Variants in CD69 observed in about 807,000 individuals in gnomAD.
The protein encoded by CD69 is CD69 molecule.
CD69 carries 10 observed loss-of-function variants against 21.4 expected under a neutral mutation model. The observed-to-expected ratio is 0.47, with a 90% CI of 0.29 to 0.79. The LOEUF is 0.79. Among genes scored for constraint, CD69 ranks in the 30% least tolerant of loss-of-function variants. The pLI is 0.09. For missense variants in CD69, 204 were observed against 236.9 expected, an observed-to-expected ratio of 0.86 and a Z score of 0.91; for synonymous variants, 63 against 78.2, an observed-to-expected ratio of 0.81 and a Z score of 1.03.
At chr12:9,758,579 C>G (rs893911939) in intron 1 of CD69, among the ~76,000 whole-genome samples, 1 of 152,142 alleles carries the variant, frequency 6.6e-6, no homozygotes. Context: ...CATCACAGAT[C>G]GGCACTCAGA....
At chr12:9,757,984 G>A (rs999918123) in intron 1 of CD69, among the ~76,000 whole-genome samples, 3 of 151,752 alleles carry the variant, frequency 2.0e-5, no homozygotes, top group African/African-American at 7.3e-5. Context: ...TAGAGGAAAT[G>A]TAACAGTATT....
At chr12:9,757,860 G>T (rs1866694347) in intron 1 of CD69, among the ~76,000 whole-genome samples, 3 of 152,154 alleles carry the variant, frequency 2.0e-5, no homozygotes, top group Non-Finnish European at 4.4e-5. Context: ...GTCATAAGTC[G>T]TTAAACTGTA....
At chr12:9,759,520 C>T (rs182866680) in intron 1 of CD69, among the ~76,000 whole-genome samples, 15 of 142,958 alleles carry the variant, frequency 1.0e-4, no homozygotes, top group African/African-American at 3.1e-4. Flanking sequence ...TTCTTTTTGG[C>T]GGCACACCTG....
chr12:9,758,952 C>G (rs1013754901), intron 1 of CD69, among the ~76,000 whole-genome samples: 1 of 151,904 alleles, frequency 6.6e-6, no homozygotes, highest in African/African-American at 2.4e-5. Context: ...TTTTTTGAGA[C>G]GGAGTCTCGC....
At chr12:9,757,044 C>T (rs1189536301) in intron 1 of CD69, among the ~76,000 whole-genome samples, 3 of 152,112 alleles carry the variant, frequency 2.0e-5, no homozygotes, top group Non-Finnish European at 4.4e-5. Flanking sequence ...TGCACCACTG[C>T]ACTCTAACCT....
chr12:9,757,832 T>C lies in CD69; in HGVS notation c.65-1413A>G, dbSNP rs193198350. ...GATGGAAAGATTCAAATGTTGCTGGTCTTGTGGTTATACCACTGTCATAAG... is the reference window on the plus strand; with the variant it reads ...GATGGAAAGATTCAAATGTTGCTGGCCTTGTGGTTATACCACTGTCATAAG... On this transcript the variant is annotated intron_variant, in intron 1 of 4. Transcript: ENST00000228434. Among the ~76,000 whole-genome samples, 11 of 152,346 alleles carry C rather than the reference T, an allele frequency of 7.2e-5. No homozygotes were observed. In the East Asian group the frequency reaches 1.7e-3, roughly 24 times the overall value.
At chr12:9,754,996 G>T in intron 3 of CD69, 66 bp downstream of exon 3, 1 of 1,305,238 alleles carries the variant, frequency 7.7e-7, no homozygotes, top group East Asian at 2.3e-5. Context: ...ACTTAGAAAC[G>T]GAAGGAAAGC....
At chr12:9,759,886 T>A (rs1331344598) in intron 1 of CD69, among the ~76,000 whole-genome samples, 2 of 151,738 alleles carry the variant, frequency 1.3e-5, no homozygotes, top group Non-Finnish European at 2.9e-5. Context: ...ATAGGCAAAA[T>A]CCCAGTAACA....
At chr12:9,760,669 G>T (rs1866725914) in intron 1 of CD69, 88 bp downstream of exon 1, 1 of 905,294 alleles carries the variant, frequency 1.1e-6, no homozygotes, top group South Asian at 1.4e-5. Flanking sequence ...ATCATATATA[G>T]AGAGATTACC....
chr12:9,759,484 G>GTTATTATTATTATTA (rs57945372), intron 1 of CD69, among the ~76,000 whole-genome samples: 26 of 148,290 alleles, frequency 1.8e-4, no homozygotes, highest in African/African-American at 6.2e-4. Context: ...TTATTGAGTA[G>GTTATTATTATTATTA]TTATTATTAT....
chr12:9,753,464 G>A lies in CD69; in HGVS notation c.*17C>T. On this transcript the variant is annotated 3_prime_UTR_variant, in exon 5 of 5. Coordinates refer to ENST00000228434, the MANE Select transcript of CD69 (RefSeq NM_001781.2). ...AGTTCCATTCTATAATAGTCAATAAGTGAACATGTTTCCTTATTATTTGTA... is the reference window on the plus strand; with the variant it reads ...AGTTCCATTCTATAATAGTCAATAAATGAACATGTTTCCTTATTATTTGTA... 9.5e-7 allele frequency: 1 copy of A among 1,055,116 alleles called. No individual in the cohort carries two copies. Among genetic ancestry groups the A allele is most frequent in the Admixed American group, 1.8e-5 (1 of 55,882 alleles). 65.4% of individuals were successfully genotyped at this position (1,055,116 alleles called of 1,614,324 possible). A position where few individuals can be genotyped will look rare whatever the true frequency, so the allele number is the denominator to read the frequency against.
chr12:9,758,978 G>A (rs1437117434), intron 1 of CD69, among the ~76,000 whole-genome samples: 1 of 149,188 alleles, frequency 6.7e-6, no homozygotes, highest in East Asian at 1.9e-4. Context: ...CGTCCAGGCT[G>A]GAGTGCAGTT....
intron 4 of CD69, 194 bp downstream of exon 4, chr12:9,754,393 T>A: frequency 2.3e-6 from 1 of 436,756 alleles, no homozygotes; most frequent in Non-Finnish European, 4.1e-6. Context: ...TTATGTATTA[T>A]AAGTGTGGAT....
At position 9,755,196 on chromosome 12, in the gene CD69, A is replaced by G. The variant is rs780572690; in HGVS notation, c.253T>C (p.Cys85Arg). ...TGGTAGCCAACCCAGTCCTCAGAGCATGAAGAAACATGGCTGTCTGATGGC... is the reference window on the plus strand; with the variant it reads ...TGGTAGCCAACCCAGTCCTCAGAGCGTGAAGAAACATGGCTGTCTGATGGC... ...SMPSDSHVSSCSEDWVGYQRK... is the reference protein window; with the variant it reads ...SMPSDSHVSSRSEDWVGYQRK... Residue 85 changes from cysteine to arginine, a missense_variant, in exon 3 of 5, where the codon TGC (cysteine) becomes CGC (arginine). By Grantham distance (180) the Cys-to-Arg change is radical. Coordinates refer to ENST00000228434, the MANE Select transcript of CD69 (RefSeq NM_001781.2). The G allele has an allele frequency of 6.2e-7, 1 of 1,614,092 alleles. No homozygotes were observed. The highest frequency in any genetic ancestry group is 1.7e-5 in the Admixed American group (1 of 60,018).
chr12:9,757,912 A>C (rs900301678), intron 1 of CD69, among the ~76,000 whole-genome samples: 5 of 152,222 alleles, frequency 3.3e-5, no homozygotes, highest in African/African-American at 1.2e-4. Context: ...ACTAAACCTC[A>C]ATTTAAAATG....
At chr12:9,757,002 C>A (rs2121100681) in intron 1 of CD69, among the ~76,000 whole-genome samples, 1 of 152,156 alleles carries the variant, frequency 6.6e-6, no homozygotes, top group East Asian at 1.9e-4. Context: ...ATCGCTTTAG[C>A]CTGGGAGGCA....
At chr12:9,755,354 T>C (rs1490477302) in intron 2 of CD69, 93 bp from the exon 3 acceptor site, 2 of 1,034,980 alleles carry the variant, frequency 1.9e-6, no homozygotes, top group Admixed American at 3.9e-5. Context: ...TTGTGCTAGG[T>C]GGTGATAAAG....
In CD69 at chr12:9,759,151, C is replaced by G. The variant is rs377219426; in HGVS notation, c.64+1606G>C. Among the ~76,000 whole-genome samples the G allele has an allele frequency of 5.8e-4, 88 of 152,192 alleles. No homozygotes were observed. In the East Asian group the frequency reaches 0.013, roughly 22 times the overall value. The stretch of plus-strand genomic sequence containing the variant: ...TCATCGTGTTAGCCAGGATGGTCTC[C>G]ATCTCCTGACCTCGTGATCCGCCCA... On this transcript the variant is annotated intron_variant, in intron 1 of 4. Coordinates refer to ENST00000228434, the MANE Select transcript of CD69 (RefSeq NM_001781.2).
Position 9,752,706 on chromosome 12 carries a change from C to T in CD69, c.*775G>A, listed in dbSNP as rs1866639752. ...CAGAATATTTCCTAATAGAGATTTG[C>T]CACATCACATATTGCACATTTTCCA... On this transcript the variant is annotated 3_prime_UTR_variant, in exon 5 of 5. Coordinates refer to ENST00000228434, the MANE Select transcript of CD69 (RefSeq NM_001781.2). 1 of 152,560 alleles carries T rather than the reference C, an allele frequency of 6.6e-6. No individual in the cohort carries two copies. The highest frequency in any genetic ancestry group is 2.4e-5 in the African/African-American group (1 of 41,434). The allele number at this position is 152,560 out of a possible 1,614,324, so 9.5% of individuals were successfully genotyped here.
Sources: gnomAD v4.1 joint callset for allele counts (sites outside exome capture counted in the v4.1 genomes callset) on GRCh38, gnomAD v4.1.1 for gene constraint, MANE v1.5 for transcripts, NCBI Gene and HGNC (gene_info 2026-07-23, HGNC 2026-07-21) for gene names.